NAALADL2: variants seen among roughly 807,000 people sequenced by gnomAD.
The protein encoded by NAALADL2 is inactive N-acetylated-alpha-linked acidic dipeptidase-like protein 2.
A neutral mutation model predicts 87.2 loss-of-function variants in NAALADL2; 76 were observed. The observed-to-expected ratio is 0.87, with a 90% CI of 0.72 to 1.05. The LOEUF (loss-of-function observed/expected upper bound fraction) is 1.05, where lower values mean the gene tolerates loss of function less well. NAALADL2 is among the 50% of genes least tolerant of loss of function. The pLI, the probability that NAALADL2 is intolerant of heterozygous loss-of-function variation, is 0.00. For missense variants in NAALADL2, 1,089 were observed against 945.8 expected, an observed-to-expected ratio of 1.15 and a Z score of -1.99; for synonymous variants, 354 against 331.0, an observed-to-expected ratio of 1.07 and a Z score of -0.75.
At chr3:174,629,498 AATGT>A (rs1159499458) in intron 2 of NAALADL2, among the ~76,000 whole-genome samples, 3 of 152,240 alleles carry the variant, frequency 2.0e-5, no homozygotes, top group Non-Finnish European at 4.4e-5. Context: ...ATTTGCACAC[AATGT>A]ATGAAGAATG....
At chr3:175,154,047 T>C (rs1481929472) in intron 2 of NAALADL2, among the ~76,000 whole-genome samples, 1 of 152,240 alleles carries the variant, frequency 6.6e-6, no homozygotes, top group African/African-American at 2.4e-5. Flanking sequence ...TTATAGGAAC[T>C]CTTTTGAGGG....
chr3:174,974,997 C>T (rs1744187444), intron 1 of NAALADL2, among the ~76,000 whole-genome samples: 1 of 152,004 alleles, frequency 6.6e-6, no homozygotes, highest in Non-Finnish European at 1.5e-5. Flanking sequence ...CTTTTCTTTA[C>T]AGTCAATTTG....
intron 1 of NAALADL2, among the ~76,000 whole-genome samples, chr3:174,906,371 T>C (rs1732960145): frequency 6.6e-6 from 1 of 152,118 alleles, no homozygotes; most frequent in African/African-American, 2.4e-5. Context: ...GGATTACTAC[T>C]TGCCTCTGAC....
intron 5 of NAALADL2, among the ~76,000 whole-genome samples, chr3:175,442,057 T>C (rs1015384684): frequency 5.9e-5 from 9 of 152,180 alleles, no homozygotes; most frequent in African/African-American, 1.9e-4. Context: ...TTGTCCTGCC[T>C]CAGCCTCCTC....
At chr3:174,551,367 A>G (rs1158708719) in intron 2 of NAALADL2, 1 of 152,212 alleles carries the variant, frequency 6.6e-6, no homozygotes, top group Non-Finnish European at 1.5e-5. Flanking sequence ...ATTACCAGAT[A>G]TTGTGGACTT....
At chr3:174,825,919 C>T (rs1393634504) in intron 3 of NAALADL2, among the ~76,000 whole-genome samples, 1 of 152,044 alleles carries the variant, frequency 6.6e-6, no homozygotes, top group Non-Finnish European at 1.5e-5. Flanking sequence ...CCCAGCTACT[C>T]AGGAGGCTGA....
rs376808714 is a variant in NAALADL2, at chr3:175,480,413, A to G, written c.1653+8655A>G. Among the ~76,000 whole-genome samples the G allele has an allele frequency of 9.2e-5, 14 of 151,980 alleles. No individual in the cohort carries two copies. In the South Asian group the frequency reaches 1.4e-3, roughly 16 times the overall value. ...CTAACTCATTTGTCTTCTGTAATCA[A>G]TGGTAACTCCAGAAGGAGTTTAAGA... On this transcript the variant is annotated intron_variant, in intron 9 of 13. Coordinates refer to ENST00000454872, the MANE Select transcript of NAALADL2 (RefSeq NM_207015.3).
At chr3:175,297,308 C>T (rs1756513250) in intron 4 of NAALADL2, among the ~76,000 whole-genome samples, 2 of 152,158 alleles carry the variant, frequency 1.3e-5, no homozygotes, top group African/African-American at 2.4e-5. Flanking sequence ...CGTGTTAGTA[C>T]ATTAAAATGA....
intron 11 of NAALADL2, among the ~76,000 whole-genome samples, chr3:175,629,135 T>C (rs1727405681): frequency 6.7e-6 from 1 of 148,628 alleles, no homozygotes; most frequent in South Asian, 2.1e-4. Context: ...ATATATATAA[T>C]ATATATGGAC....
chr3:175,001,221 C>G (rs957290420), intron 1 of NAALADL2, among the ~76,000 whole-genome samples: 1 of 152,116 alleles, frequency 6.6e-6, no homozygotes, highest in Non-Finnish European at 1.5e-5. Flanking sequence ...TGAGCAAAAT[C>G]CTGATTCAGA....
chr3:175,636,198 T>TTG (rs3040732), intron 11 of NAALADL2, among the ~76,000 whole-genome samples: 39,085 of 150,868 alleles, frequency 0.26, 5,672 homozygotes, highest in African/African-American at 0.41. Context: ...AAATCCTAAA[T>TTG]TGTGTGTGTG....
intron 11 of NAALADL2, among the ~76,000 whole-genome samples, chr3:175,695,620 G>A (rs1737670611): frequency 6.6e-6 from 1 of 152,014 alleles, no homozygotes. Context: ...TAGTATCAAG[G>A]CTACTATAAT....
At chr3:175,420,327 A>G (rs924217520) in intron 5 of NAALADL2, among the ~76,000 whole-genome samples, 1 of 151,998 alleles carries the variant, frequency 6.6e-6, no homozygotes, top group African/African-American at 2.4e-5. Flanking sequence ...TATCGTTTGC[A>G]TATTTGAACT....
chr3:174,820,305 A>C, intron 3 of NAALADL2, among the ~76,000 whole-genome samples: 1 of 152,154 alleles, frequency 6.6e-6, no homozygotes, highest in East Asian at 1.9e-4. Context: ...AGATTTGTAA[A>C]ATTATTAAGT....
chr3:175,030,082 G>T (rs955228459), intron 1 of NAALADL2, among the ~76,000 whole-genome samples: 24 of 151,986 alleles, frequency 1.6e-4, no homozygotes, highest in African/African-American at 5.8e-4. Context: ...TTGTGTGTTG[G>T]TACTGCCATC....
intron 9 of NAALADL2, among the ~76,000 whole-genome samples, chr3:175,506,813 A>G (rs934102985): frequency 6.6e-6 from 1 of 152,186 alleles, no homozygotes; most frequent in Admixed American, 6.5e-5. Flanking sequence ...AAAATTCTCC[A>G]TACTTGGTTA....
At chr3:175,771,423 T>C (rs1173162490) in intron 13 of NAALADL2, among the ~76,000 whole-genome samples, 1 of 152,236 alleles carries the variant, frequency 6.6e-6, no homozygotes, top group Non-Finnish European at 1.5e-5. Flanking sequence ...ATTAGTTTCC[T>C]GTGGCTTTCA....
intron 5 of NAALADL2, among the ~76,000 whole-genome samples, chr3:175,421,625 A>C (rs1715712168): frequency 6.6e-6 from 1 of 152,130 alleles, no homozygotes; most frequent in South Asian, 2.1e-4. Flanking sequence ...TACAGATTGC[A>C]AGCAAACATT....
chr3:174,905,365 C>T lies in NAALADL2; in HGVS notation c.43+45915C>T, dbSNP rs1211795077. Among the ~76,000 whole-genome samples, 8 of 151,754 alleles carry T rather than the reference C, an allele frequency of 5.3e-5. No homozygotes were observed. The South Asian group carries it at 1.0e-3, about 20-fold the overall frequency. On this transcript the variant is annotated intron_variant, in intron 1 of 13. Transcript: ENST00000454872. ...GGGATGTCACTTTTCTGGCTATCCC[C>T]GCCTCTAAAATAGTTACAATTAAGA...
Sources: allele counts gnomAD v4.1 joint callset (sites outside exome capture counted in the v4.1 genomes callset), GRCh38; gene constraint gnomAD v4.1.1; transcripts MANE v1.5; gene names NCBI Gene and HGNC (gene_info 2026-07-23, HGNC 2026-07-21).